IL2RA: variants seen among roughly 807,000 people sequenced by gnomAD.
IL2RA encodes interleukin 2 receptor subunit alpha, also known as interleukin-2 receptor subunit alpha.
In IL2RA, 24 loss-of-function variants were observed where a neutral mutation model predicts 37.8. The observed-to-expected ratio is 0.63, with a 90% CI of 0.46 to 0.89. The LOEUF (loss-of-function observed/expected upper bound fraction) is 0.89. Among genes scored for constraint, IL2RA ranks in the 40% least tolerant of loss-of-function variants. The pLI is 0.00. For synonymous variants in IL2RA, 125 were observed against 114.6 expected (o/e 1.09, Z -0.58); for missense variants, 319 against 348.6 (o/e 0.92, Z 0.68).
At chr10:6,045,496 T>A (rs1839838108) in intron 1 of IL2RA, among the ~76,000 whole-genome samples, 1 of 151,772 alleles carries the variant, frequency 6.6e-6, no homozygotes, top group Admixed American at 6.6e-5. Context: ...ATCCTGGGAG[T>A]CTTCTCGGTC....
rs1839265836 is a variant in IL2RA at position 6,015,809 on chromosome 10, A to G, written c.794+2244T>C. On this transcript the variant is annotated intron_variant, in intron 7 of 7. Coordinates refer to ENST00000379959, the MANE Select transcript of IL2RA (RefSeq NM_000417.3). The surrounding 1 kb of genome is among the most constrained non-coding windows in gnomAD (Gnocchi z 4.9). ...AAACCTGGATGCATATGTATTAGATACATCTGAGGGGCTTTAAAACGTACG... is the reference window on the plus strand; with the variant it reads ...AAACCTGGATGCATATGTATTAGATGCATCTGAGGGGCTTTAAAACGTACG... 6.6e-6 allele frequency among the ~76,000 whole-genome samples: 1 copy of G among 152,210 alleles called. No homozygotes were observed. Among genetic ancestry groups the G allele is most frequent in the Non-Finnish European group, 1.5e-5 (1 of 68,038 alleles).
At chr10:6,034,060 T>C (rs907186666) in intron 1 of IL2RA, among the ~76,000 whole-genome samples, 5 of 152,204 alleles carry the variant, frequency 3.3e-5, no homozygotes, top group African/African-American at 1.2e-4. Context: ...GGAAACAAAT[T>C]GTCTTGGAAG....
intron 1 of IL2RA, among the ~76,000 whole-genome samples, chr10:6,027,014 T>C (rs1301401540): frequency 2.0e-5 from 3 of 152,068 alleles, no homozygotes; most frequent in Non-Finnish European, 4.4e-5. Flanking sequence ...GACTCTCCTG[T>C]CTCCCCTAAG....
In IL2RA at chr10:6,021,794, T is replaced by G; in HGVS notation, c.368-101A>C. The G allele has an allele frequency of 4.6e-6, 4 of 874,234 alleles. No homozygotes were observed. The highest frequency in any genetic ancestry group is 7.6e-6 in the Non-Finnish European group (4 of 527,274). The allele number at this position is 874,234 out of a possible 1,614,324, so 54.2% of individuals were successfully genotyped here. A position where few individuals can be genotyped will look rare whatever the true frequency, so the allele number is the denominator to read the frequency against. On this transcript the variant is annotated intron_variant, in intron 3 of 7. Transcript: ENST00000379959. This position sits in a 1 kb window ranked among gnomAD's most constrained non-coding sequence, Gnocchi z 4.9. Reference sequence around the variant, plus strand: ...GGACTGGACCTTGGTTCTTACTCTCTTGACTGCTTGCTCATCCTTTCATTC... The same window carrying G: ...GGACTGGACCTTGGTTCTTACTCTCGTGACTGCTTGCTCATCCTTTCATTC...
chr10:6,028,990 CAAAAA>C lies in IL2RA; in HGVS notation c.65-2970_65-2966del, dbSNP rs34303304. On this transcript the variant is annotated intron_variant, in intron 1 of 7. Coordinates refer to ENST00000379959, the MANE Select transcript of IL2RA (RefSeq NM_000417.3). This position sits in a 1 kb window ranked among gnomAD's most constrained non-coding sequence, Gnocchi z 4.1. ...TTACAGAGTGAGTGAGAGTCTGTCT[CAAAAA>C]AAAAAAAAAAAGACCCCTAAAATGA... is the stretch of plus-strand genomic sequence containing the variant. Among the ~76,000 whole-genome samples the C allele has an allele frequency of 9.1e-6, 1 of 110,044 alleles. No individual in the cohort carries two copies. The highest frequency in any genetic ancestry group is 3.3e-5 in the African/African-American group (1 of 29,986). The allele number at this position is 110,044 out of a possible 152,430, so 72.2% of individuals were successfully genotyped here.
rs1839906186 is a variant in IL2RA at position 6,048,921 on chromosome 10, T to C, written c.64+13167A>G. 6.6e-6 allele frequency among the ~76,000 whole-genome samples: 1 copy of C among 152,240 alleles called. No homozygotes were observed. Among genetic ancestry groups the C allele is most frequent in the African/African-American group, 2.4e-5 (1 of 41,460 alleles). The stretch of plus-strand genomic sequence containing the variant: ...ACTATGTGCCTGAGCTCTCCTGCCT[T>C]GCGGGACTCTGCGTGGCTCTTGGAG... On this transcript the variant is annotated intron_variant, in intron 1 of 7. Coordinates refer to ENST00000379959, the MANE Select transcript of IL2RA (RefSeq NM_000417.3). This position sits in a 1 kb window ranked among gnomAD's most constrained non-coding sequence, Gnocchi z 5.3.
At chr10:6,017,871 C>T (rs1303742798) in intron 7 of IL2RA, among the ~76,000 whole-genome samples, 182 bp downstream of exon 7, 1 of 152,164 alleles carries the variant, frequency 6.6e-6, no homozygotes, top group Non-Finnish European at 1.5e-5. Context: ...AGCCACTGCA[C>T]CCGGCGGTGC....
chr10:6,051,629 C>T (rs1839960425), intron 1 of IL2RA, among the ~76,000 whole-genome samples: 1 of 146,526 alleles, frequency 6.8e-6, no homozygotes, highest in Non-Finnish European at 1.5e-5. Context: ...GGGGATTCTC[C>T]TGCCTCAGCC....
rs1055028399 is a variant in IL2RA at position 6,033,978 on chromosome 10, T to C, written c.65-7953A>G. 6.6e-6 allele frequency among the ~76,000 whole-genome samples: 1 copy of C among 152,230 alleles called. No homozygotes were observed. The highest frequency in any genetic ancestry group is 1.5e-5 in the Non-Finnish European group (1 of 68,038). ...TTAGCACAAATAACCAGGATTGACCTCAGATGTTTTTGGAATCTGAGATGT... is the reference window on the plus strand; with the variant it reads ...TTAGCACAAATAACCAGGATTGACCCCAGATGTTTTTGGAATCTGAGATGT... On this transcript the variant is annotated intron_variant, in intron 1 of 7. Coordinates refer to ENST00000379959, the MANE Select transcript of IL2RA (RefSeq NM_000417.3). The surrounding 1 kb of genome is among the most constrained non-coding windows in gnomAD (Gnocchi z 4.3).
Position 6,012,982 on chromosome 10 carries a change from AC to A in IL2RA, c.795-87del. On this transcript the variant is annotated intron_variant, in intron 7 of 7. Transcript: ENST00000379959. This position sits in a 1 kb window ranked among gnomAD's most constrained non-coding sequence, Gnocchi z 4.8. The stretch of plus-strand genomic sequence containing the variant: ...CTCACTCTAAACCAGTGCACACGCC[AC>A]CATGCCTGGCTAATTTTTGTATTTT... The A allele has an allele frequency of 7.9e-7, 1 of 1,272,790 alleles. No homozygotes were observed. The highest frequency in any genetic ancestry group is 2.3e-5 in the East Asian group (1 of 43,210). The allele number at this position is 1,272,790 out of a possible 1,614,324, so 78.8% of individuals were successfully genotyped here. A position where few individuals can be genotyped will look rare whatever the true frequency, so the allele number is the denominator to read the frequency against.
At chr10:6,060,202 C>G (rs1410351977) in intron 1 of IL2RA, among the ~76,000 whole-genome samples, 1 of 152,184 alleles carries the variant, frequency 6.6e-6, no homozygotes. Flanking sequence ...CATTGAAAAA[C>G]CTTCCTAAAA....
At chr10:6,038,435 C>T (rs1176140986) in intron 1 of IL2RA, among the ~76,000 whole-genome samples, 1 of 152,192 alleles carries the variant, frequency 6.6e-6, no homozygotes, top group Non-Finnish European at 1.5e-5. Flanking sequence ...TGTGCTGCTT[C>T]TTTGCATATA....
chr10:6,031,452 A>G lies in IL2RA; in HGVS notation c.65-5427T>C, dbSNP rs1193610634. Among the ~76,000 whole-genome samples, 17 of 65,984 alleles carry G rather than the reference A, an allele frequency of 2.6e-4. No homozygotes were observed. In the East Asian group the frequency reaches 0.012, roughly 46 times the overall value. 43.3% of individuals were successfully genotyped at this position (65,984 alleles called of 152,430 possible). On this transcript the variant is annotated intron_variant, in intron 1 of 7. Transcript: ENST00000379959. ...AAGTTAGCAATTTCAGTATATATAT[A>G]TACATATATATATATATATATATAT...
intron 1 of IL2RA, among the ~76,000 whole-genome samples, chr10:6,030,269 A>G (rs964985502): frequency 1.2e-4 from 18 of 152,220 alleles, no homozygotes; most frequent in African/African-American, 2.4e-5. Flanking sequence ...ATTTGATGAC[A>G]GATACTGATT....
intron 1 of IL2RA, among the ~76,000 whole-genome samples, chr10:6,043,604 A>T (rs1839806206): frequency 6.6e-6 from 1 of 152,082 alleles, no homozygotes; most frequent in Non-Finnish European, 1.5e-5. Context: ...CATCAGGCTA[A>T]TTTTTGTATT....
chr10:6,050,974 C>T (rs1262926171), intron 1 of IL2RA, among the ~76,000 whole-genome samples: 1 of 151,870 alleles, frequency 6.6e-6, no homozygotes, highest in African/African-American at 2.4e-5. Context: ...AGCCAAAAGG[C>T]TCACCCTGTG....
chr10:6,047,626 G>T lies in IL2RA; in HGVS notation c.64+14462C>A, dbSNP rs1839886366. Among the ~76,000 whole-genome samples, 1 of 150,778 alleles carries T rather than the reference G, an allele frequency of 6.6e-6. No individual in the cohort carries two copies. ...AATTAACGTATCTATTATTTTATTA[G>T]ACATCACAATTCAAATACAATAAAG... On this transcript the variant is annotated intron_variant, in intron 1 of 7. Transcript: ENST00000379959. This position sits in a 1 kb window ranked among gnomAD's most constrained non-coding sequence, Gnocchi z 5.0.
chr10:6,014,608 G>A lies in IL2RA; in HGVS notation c.795-1712C>T, dbSNP rs896322848. ...AAATCCTTGCAAGGTGTTAAGGCTT[G>A]TCAGGTGTTCAGCCTGAGGAAGGAG... On this transcript the variant is annotated intron_variant, in intron 7 of 7. Transcript: ENST00000379959. The surrounding 1 kb of genome is among the most constrained non-coding windows in gnomAD (Gnocchi z 4.4). Among the ~76,000 whole-genome samples the A allele has an allele frequency of 6.6e-6, 1 of 152,188 alleles. No homozygotes were observed. The highest frequency in any genetic ancestry group is 6.5e-5 in the Admixed American group (1 of 15,282).
chr10:6,021,416 C>T lies in IL2RA; in HGVS notation c.583+62G>A, dbSNP rs974500054. The T allele has an allele frequency of 3.6e-6, 5 of 1,374,090 alleles. No individual in the cohort carries two copies. In the African/African-American group the frequency reaches 7.1e-5, roughly 20 times the overall value. The allele number at this position is 1,374,090 out of a possible 1,614,324, so 85.1% of individuals were successfully genotyped here. ...TGTCCAGCAGGAGTGGTCAGGGATTCCACTCTGGTCAGCCTGATGGAGCAA... is the reference window on the plus strand; with the variant it reads ...TGTCCAGCAGGAGTGGTCAGGGATTTCACTCTGGTCAGCCTGATGGAGCAA... On this transcript the variant is annotated intron_variant, in intron 4 of 7. Coordinates refer to ENST00000379959, the MANE Select transcript of IL2RA (RefSeq NM_000417.3). The surrounding 1 kb of genome is among the most constrained non-coding windows in gnomAD (Gnocchi z 4.9).
Sources: gnomAD v4.1 joint callset for allele counts (sites outside exome capture counted in the v4.1 genomes callset) on GRCh38, gnomAD v4.1.1 for gene constraint, Gnocchi (gnomAD v3.1) non-coding constraint, MANE v1.5 for transcripts, NCBI Gene and HGNC (gene_info 2026-07-23, HGNC 2026-07-21) for gene names.